The following KBTBD12 variants were observed in gnomAD, a reference collection of about 807,000 sequenced individuals.
KBTBD12 encodes the protein kelch repeat and BTB domain containing 12.
A neutral mutation model predicts 58.7 loss-of-function variants in KBTBD12; 53 were observed. That is an observed-to-expected ratio of 0.90 (90% CI 0.72 to 1.14). The LOEUF is 1.14. Ranked by LOEUF, KBTBD12 falls within the 50% of genes most tolerant of loss-of-function variation. The probability of loss-of-function intolerance (pLI) is 0.00; values close to 1 mark genes in which losing one functional copy is unlikely to be tolerated. For synonymous variants in KBTBD12, 236 were observed against 259.8 expected (o/e 0.91, Z 0.88); for missense variants, 704 against 751.3 (o/e 0.94, Z 0.74).
intron 5 of KBTBD12, among the ~76,000 whole-genome samples, chr3:127,980,958 C>G (rs1442860682): frequency 7.0e-6 from 1 of 142,916 alleles, no homozygotes; most frequent in Admixed American, 6.8e-5. Context: ...TACAATTAAG[C>G]CAATCTGACC....
intron 4 of KBTBD12, among the ~76,000 whole-genome samples, chr3:127,948,947 C>T (rs566987473): frequency 2.6e-5 from 4 of 152,190 alleles, no homozygotes; most frequent in Non-Finnish European, 5.9e-5. Flanking sequence ...AGCTTAATAC[C>T]TGTCTGGCAT....
At chr3:127,969,235 G>A (rs1347607733) in intron 5 of KBTBD12, among the ~76,000 whole-genome samples, 1 of 151,940 alleles carries the variant, frequency 6.6e-6, no homozygotes, top group African/African-American at 2.4e-5. Context: ...CAAGGGTGCA[G>A]GACATAAGAC....
At position 127,923,654 on chromosome 3, in the gene KBTBD12, T is replaced by C; in HGVS notation, c.593T>C (p.Val198Ala). 2 of 1,613,766 alleles carry C rather than the reference T, an allele frequency of 1.2e-6. No homozygotes were observed. Among genetic ancestry groups the C allele is most frequent in the Non-Finnish European group, 8.5e-7 (1 of 1,179,802 alleles). The change falls in exon 2 of 6, where the codon GTT (valine) becomes GCT (alanine). Residue 198 changes from valine (V) to alanine (A), a missense_variant. Val to Ala is a moderately conservative substitution (Grantham distance 64, BLOSUM62 0). Coordinates refer to ENST00000405109, the MANE Select transcript of KBTBD12 (RefSeq NM_207335.4). ...ISREESILDL[V>A]LRWVNHNKEL... ...AGAGAAGAGAGCATTCTGGACTTAGTTCTGAGATGGGTAAATCATAACAAA... is the reference window on the plus strand; with the variant it reads ...AGAGAAGAGAGCATTCTGGACTTAGCTCTGAGATGGGTAAATCATAACAAA...
intron 4 of KBTBD12, among the ~76,000 whole-genome samples, chr3:127,953,993 T>C (rs1576385604): frequency 6.6e-6 from 1 of 152,074 alleles, no homozygotes; most frequent in East Asian, 1.9e-4. Flanking sequence ...TTTGACTTTT[T>C]TTTCCTGAGG....
chr3:127,987,668 A>T (rs1410933774), downstream of KBTBD12: 1 of 152,242 alleles, frequency 6.6e-6, no homozygotes, highest in Non-Finnish European at 1.5e-5. Flanking sequence ...CTAATAAAAG[A>T]TCACTTTCAT....
intron 5 of KBTBD12, among the ~76,000 whole-genome samples, chr3:127,964,212 A>G (rs1296862052): frequency 6.6e-6 from 1 of 152,194 alleles, no homozygotes; most frequent in East Asian, 1.9e-4. Flanking sequence ...GTACATACCC[A>G]TGAAAACATG....
At chr3:127,961,920 A>G (rs970099833) in intron 4 of KBTBD12, among the ~76,000 whole-genome samples, 19 of 152,362 alleles carry the variant, frequency 1.2e-4, no homozygotes, top group African/African-American at 4.3e-4. Context: ...ATTTCTCAGT[A>G]TGTGATACAT....
At chr3:127,917,595 G>A (rs1376060465) in intron 1 of KBTBD12, among the ~76,000 whole-genome samples, 1 of 152,082 alleles carries the variant, frequency 6.6e-6, no homozygotes, top group Non-Finnish European at 1.5e-5. Flanking sequence ...TTCTTTCCGG[G>A]GACCAGCTCC....
At position 127,930,301 on chromosome 3, in the gene KBTBD12, G is replaced by A; in HGVS notation, c.1492+18G>A. On this transcript the variant is annotated intron_variant, in intron 4 of 5. Transcript: ENST00000405109. ...TGTTTTGGGTAAGAAGAAGCAGATTGCTAACAGTATAACTACTTTTATTTT... is the reference window on the plus strand; with the variant it reads ...TGTTTTGGGTAAGAAGAAGCAGATTACTAACAGTATAACTACTTTTATTTT... 4 of 1,607,652 alleles carry A rather than the reference G, an allele frequency of 2.5e-6. No individual in the cohort carries two copies. The highest frequency in any genetic ancestry group is 3.4e-6 in the Non-Finnish European group (4 of 1,176,488).
At chr3:127,947,314 G>T (rs886516655) in intron 4 of KBTBD12, among the ~76,000 whole-genome samples, 1 of 152,090 alleles carries the variant, frequency 6.6e-6, no homozygotes, top group East Asian at 1.9e-4. Flanking sequence ...AGGGTAAGTT[G>T]CAGCCTTAAT....
intron 5 of KBTBD12, among the ~76,000 whole-genome samples, chr3:127,972,204 A>C (rs1185794278): frequency 6.6e-6 from 1 of 152,234 alleles, no homozygotes; most frequent in Non-Finnish European, 1.5e-5. Context: ...TTAAAGGTGC[A>C]GAAACTGAAG....
intron 4 of KBTBD12, among the ~76,000 whole-genome samples, chr3:127,955,164 T>C (rs1940294410): frequency 6.6e-6 from 1 of 152,240 alleles, no homozygotes; most frequent in Admixed American, 6.5e-5. Context: ...ATCAGAGTTT[T>C]ACAGGTCTTA....
intron 5 of KBTBD12, among the ~76,000 whole-genome samples, chr3:127,970,444 A>C (rs1215706413): frequency 2.0e-5 from 3 of 152,160 alleles, no homozygotes; most frequent in Non-Finnish European, 4.4e-5. Flanking sequence ...GAGAATTGAA[A>C]ATATATGCCC....
chr3:127,926,912 T>C (rs1032245776), intron 2 of KBTBD12, among the ~76,000 whole-genome samples: 1 of 152,090 alleles, frequency 6.6e-6, no homozygotes, highest in African/African-American at 2.4e-5. Context: ...CATGAAGTAC[T>C]TCTGTCCTTC....
At chr3:127,950,327 C>G (rs911040759) in intron 4 of KBTBD12, among the ~76,000 whole-genome samples, 1 of 152,148 alleles carries the variant, frequency 6.6e-6, no homozygotes, top group East Asian at 1.9e-4. Context: ...CGGAGAGGAA[C>G]AAACATCCAG....
intron 2 of KBTBD12, among the ~76,000 whole-genome samples, chr3:127,926,553 A>C (rs976286232): frequency 1.3e-5 from 2 of 152,198 alleles, no homozygotes; most frequent in African/African-American, 4.8e-5. Flanking sequence ...GACAAGCCAG[A>C]CATACCCTCT....
chr3:127,947,100 A>G (rs1445591813), intron 4 of KBTBD12, among the ~76,000 whole-genome samples: 3 of 152,006 alleles, frequency 2.0e-5, no homozygotes, highest in African/African-American at 7.2e-5. Flanking sequence ...ATAGTTCACA[A>G]GTCTGCTTCT....
intron 5 of KBTBD12, among the ~76,000 whole-genome samples, chr3:127,964,399 C>A (rs1390650598): frequency 5.3e-5 from 8 of 151,466 alleles, no homozygotes; most frequent in Admixed American, 6.6e-5. Flanking sequence ...TTTGGGAGGC[C>A]GAGGCAGGCA....
chr3:127,924,123 A>C lies in KBTBD12; in HGVS notation c.1062A>C (p.Glu354Asp). The change falls in exon 2 of 6, where the codon GAA becomes GAC. Residue 354 changes from glutamate to aspartate, a missense_variant. Transcript: ENST00000405109. ...CTAGACAAAAGAACAAGAATGTTGA[A>C]ATTTATAGGTTTGTATCTAGCAGCA... ...KLSRQKNKNV[E>D]IYRYHDRGNQ... 6.2e-7 allele frequency: 1 copy of C among 1,603,240 alleles called. No homozygotes were observed. The highest frequency in any genetic ancestry group is 8.5e-7 in the Non-Finnish European group (1 of 1,172,850).
Sources: gnomAD v4.1 joint callset for allele counts (sites outside exome capture counted in the v4.1 genomes callset) on GRCh38, gnomAD v4.1.1 for gene constraint, MANE v1.5 for transcripts, NCBI Gene and HGNC (gene_info 2026-07-23, HGNC 2026-07-21) for gene names.